Variants in SHROOM3 observed in about 807,000 individuals in gnomAD.
SHROOM3 encodes shroom family member 3.
A neutral mutation model predicts 138.6 loss-of-function variants in SHROOM3; 47 were observed. That is an observed-to-expected ratio of 0.34 (90% CI 0.27 to 0.43). SHROOM3 has a LOEUF of 0.43. SHROOM3 is among the 20% of genes least tolerant of loss of function. The pLI is 1.00. For missense variants in SHROOM3, 2,491 were observed against 2,596.5 expected, an observed-to-expected ratio of 0.96 and a Z score of 0.88; for synonymous variants, 1,062 against 1,063.3, an observed-to-expected ratio of 1.00 and a Z score of 0.02.
rs149165793 is a variant in SHROOM3 at position 76,740,102 on chromosome 4, G to A, written c.1929G>A (p.Glu643=). 6 of 1,613,792 alleles carry A rather than the reference G, an allele frequency of 3.7e-6. No individual in the cohort carries two copies. The highest frequency in any genetic ancestry group is 1.7e-5 in the Admixed American group (1 of 60,036). The change falls in exon 5 of 11, where the codon GAG becomes GAA. Residue 643 remains glutamate, a synonymous_variant. Transcript: ENST00000296043. The surrounding 1 kb of genome is among the most constrained non-coding windows in gnomAD (Gnocchi z 4.0). ...DHNANLWRRL[E]REGLGQSLSG... ...ATGCCAACCTCTGGAGGAGGCTGGA[G>A]AGAGAAGGCCTAGGCCAGAGCCTGT...
chr4:76,562,022 A>C (rs773037619), intron 2 of SHROOM3, among the ~76,000 whole-genome samples: 5 of 152,116 alleles, frequency 3.3e-5, no homozygotes, highest in Non-Finnish European at 5.9e-5. Flanking sequence ...AAAAAACAAA[A>C]CAAAAAAAAC....
chr4:76,774,166 A>G (rs964190778), intron 10 of SHROOM3, among the ~76,000 whole-genome samples: 4 of 152,292 alleles, frequency 2.6e-5, no homozygotes, highest in South Asian at 2.1e-4. Context: ...CAAGTTTCCT[A>G]TTGGGCCACC....
chr4:76,450,003 G>C (rs1390143407), intron 1 of SHROOM3, among the ~76,000 whole-genome samples: 1 of 152,146 alleles, frequency 6.6e-6, no homozygotes, highest in African/African-American at 2.4e-5. Context: ...GTGTGTGTGA[G>C]CACAGGGAGG....
In SHROOM3 at chr4:76,664,207, T is replaced by C. The variant is rs990894932; in HGVS notation, c.324-45949T>C. On this transcript the variant is annotated intron_variant, in intron 2 of 10. Coordinates refer to ENST00000296043, the MANE Select transcript of SHROOM3 (RefSeq NM_020859.4). The surrounding 1 kb of genome is among the most constrained non-coding windows in gnomAD (Gnocchi z 4.2). ...TAATTTCAAAAAGTATCCCTTTCCTTATGTGCTAGCTTACTCCTCAGAAAG... is the reference window on the plus strand; with the variant it reads ...TAATTTCAAAAAGTATCCCTTTCCTCATGTGCTAGCTTACTCCTCAGAAAG... Among the ~76,000 whole-genome samples, 1 of 152,230 alleles carries C rather than the reference T, an allele frequency of 6.6e-6. No individual in the cohort carries two copies. Among genetic ancestry groups the C allele is most frequent in the African/African-American group, 2.4e-5 (1 of 41,460 alleles).
intron 2 of SHROOM3, among the ~76,000 whole-genome samples, chr4:76,564,765 A>G (rs947002227): frequency 2.0e-5 from 3 of 152,222 alleles, no homozygotes; most frequent in African/African-American, 7.2e-5. Context: ...ATAAAAGACC[A>G]CATTTCATTC....
At chr4:76,524,882 T>C (rs545570399) in intron 1 of SHROOM3, among the ~76,000 whole-genome samples, 3 of 152,226 alleles carry the variant, frequency 2.0e-5, no homozygotes, top group Non-Finnish European at 4.4e-5. Context: ...AGGCCAAAGG[T>C]AGGCATGCCA....
rs775876444 is a variant in SHROOM3 at position 76,779,326 on chromosome 4, C to G, written c.*149C>G. Reference sequence around the variant, plus strand: ...GAAAAAAATTCTCTCCAGGAGGAAGCCTTTTTCCTTCTTGCCCTTCCTGAT... The same window carrying G: ...GAAAAAAATTCTCTCCAGGAGGAAGGCTTTTTCCTTCTTGCCCTTCCTGAT... On this transcript the variant is annotated 3_prime_UTR_variant, in exon 11 of 11. Coordinates refer to ENST00000296043, the MANE Select transcript of SHROOM3 (RefSeq NM_020859.4). The G allele has an allele frequency of 1.0e-5, 11 of 1,061,004 alleles. No homozygotes were observed. The highest frequency in any genetic ancestry group is 5.2e-5 in the East Asian group (2 of 38,530). The allele number at this position is 1,061,004 out of a possible 1,614,324, so 65.7% of individuals were successfully genotyped here.
intron 1 of SHROOM3, among the ~76,000 whole-genome samples, chr4:76,481,264 C>G (rs969932278): frequency 2.1e-4 from 32 of 152,090 alleles, no homozygotes; most frequent in African/African-American, 7.7e-4. Flanking sequence ...AGGGAAGCAT[C>G]AAATAGATAC....
intron 1 of SHROOM3, among the ~76,000 whole-genome samples, chr4:76,456,510 A>G (rs1395357430): frequency 6.6e-6 from 1 of 152,202 alleles, no homozygotes; most frequent in Non-Finnish European, 1.5e-5. Flanking sequence ...GGACTGATGC[A>G]CATGACGAAC....
chr4:76,555,019 C>T (rs1012319474), intron 1 of SHROOM3, among the ~76,000 whole-genome samples: 1 of 151,314 alleles, frequency 6.6e-6, no homozygotes, highest in African/African-American at 2.4e-5. Flanking sequence ...TCTCTCATCG[C>T]CCCCAGTGGG....
intron 2 of SHROOM3, among the ~76,000 whole-genome samples, chr4:76,622,574 A>G (rs1373741030): frequency 6.6e-6 from 1 of 151,988 alleles, no homozygotes; most frequent in Non-Finnish European, 1.5e-5. Flanking sequence ...TTCACTTTCC[A>G]GAACCCTCTT....
At chr4:76,467,901 A>G (rs1047705017) in intron 1 of SHROOM3, among the ~76,000 whole-genome samples, 2 of 152,256 alleles carry the variant, frequency 1.3e-5, no homozygotes, top group South Asian at 4.1e-4. Flanking sequence ...AAACTTTCTA[A>G]TATCTGATAC....
intron 1 of SHROOM3, among the ~76,000 whole-genome samples, chr4:76,504,088 G>T (rs1365313793): frequency 6.6e-6 from 1 of 152,158 alleles, no homozygotes; most frequent in Non-Finnish European, 1.5e-5. Flanking sequence ...AACTGTAAGA[G>T]ATTTTGATGT....
At chr4:76,499,864 C>T (rs1403442816) in intron 1 of SHROOM3, among the ~76,000 whole-genome samples, 1 of 152,168 alleles carries the variant, frequency 6.6e-6, no homozygotes, top group African/African-American at 2.4e-5. Flanking sequence ...TTAACCAACT[C>T]CTCTGTTTAA....
intron 2 of SHROOM3, among the ~76,000 whole-genome samples, chr4:76,561,419 A>G (rs975370525): frequency 2.0e-5 from 3 of 152,252 alleles, no homozygotes; most frequent in East Asian, 1.9e-4. Flanking sequence ...TTGCCCATGT[A>G]GAGGTGGCTA....
chr4:76,617,107 A>T (rs940267805), intron 2 of SHROOM3, among the ~76,000 whole-genome samples: 5 of 152,382 alleles, frequency 3.3e-5, no homozygotes, highest in African/African-American at 1.2e-4. Flanking sequence ...AGCCTGGTGA[A>T]GAGCACAGGC....
intron 2 of SHROOM3, among the ~76,000 whole-genome samples, chr4:76,671,796 C>T (rs78678021): frequency 3.3e-5 from 5 of 152,268 alleles, no homozygotes; most frequent in African/African-American, 1.2e-4. Flanking sequence ...TCTTATCCTA[C>T]ATGCTTGGAA....
intron 2 of SHROOM3, chr4:76,688,726 T>C: frequency 2.0e-6 from 2 of 985,408 alleles, no homozygotes; most frequent in Non-Finnish European, 2.4e-6. Context: ...CAAATGGATA[T>C]ATTTTCTAAA....
At chr4:76,545,202 A>T (rs1227841037) in intron 1 of SHROOM3, among the ~76,000 whole-genome samples, 1 of 152,078 alleles carries the variant, frequency 6.6e-6, no homozygotes, top group East Asian at 1.9e-4. Flanking sequence ...CAACTTTTTA[A>T]TTATCCCCAA....
Sources: gnomAD v4.1 joint callset for allele counts (sites outside exome capture counted in the v4.1 genomes callset) on GRCh38, gnomAD v4.1.1 for gene constraint, Gnocchi (gnomAD v3.1) non-coding constraint, MANE v1.5 for transcripts, NCBI Gene and HGNC (gene_info 2026-07-23, HGNC 2026-07-21) for gene names.